MICALL2: variants seen among roughly 807,000 people sequenced by gnomAD.
MICALL2 encodes the protein MICAL-like protein 2.
MICALL2 carries 111 observed loss-of-function variants against 91.1 expected under a neutral mutation model. The observed-to-expected ratio is 1.22, with a 90% CI of 1.04 to 1.43. The LOEUF is 1.43. MICALL2 is among the 40% of genes most tolerant of loss of function. MICALL2 has a pLI of 0.00. For missense variants in MICALL2, 1,556 were observed against 1,236.0 expected (o/e 1.26, Z -3.88); for synonymous variants, 694 against 525.3 (o/e 1.32, Z -4.39).
rs752505721 is a variant in MICALL2, at chr7:1,440,636, C to T, written c.1760G>A (p.Trp587Ter). ...GTCCACGGGCTTCAGATTCGCTCTC[C>T]ATCCTGCCGGCCCGTCCTCCTGGCC... ...QEGQEDGPAG[W>*]RANLKPVDRR... Residue 587 changes from tryptophan (W) to a stop codon, truncating the protein, a stop_gained, in exon 8 of 17, where the codon TGG (tryptophan) becomes TAG (stop). Transcript: ENST00000297508. LOFTEE classifies it high-confidence loss of function. 6.2e-7 allele frequency: 1 copy of T among 1,612,780 alleles called. No homozygotes were observed. The highest frequency in any genetic ancestry group is 1.1e-5 in the South Asian group (1 of 91,068).
intron 7 of MICALL2, chr7:1,441,026 T>C (rs1317853900): frequency 6.1e-6 from 2 of 327,448 alleles, no homozygotes; most frequent in Non-Finnish European, 1.2e-5. Context: ...CGGCTGCCCG[T>C]CTGCAGGCTT....
At chr7:1,442,142 C>T in intron 7 of MICALL2, 50 bp downstream of exon 7, 1 of 1,595,726 alleles carries the variant, frequency 6.3e-7, no homozygotes, top group South Asian at 1.1e-5. Context: ...AGGGGAGAGT[C>T]CCAGAGCTGC....
intron 7 of MICALL2, chr7:1,441,955 A>G: frequency 1.7e-6 from 1 of 575,048 alleles, no homozygotes; most frequent in East Asian, 3.0e-5. Flanking sequence ...GGACGTGCGG[A>G]TGGGGTGGGC....
Position 1,440,036 on chromosome 7 carries a change from C to T in MICALL2, c.1855G>A (p.Glu619Lys). 1.3e-6 allele frequency: 2 copies of T among 1,580,666 alleles called. No homozygotes were observed. Among genetic ancestry groups the T allele is most frequent in the Non-Finnish European group, 1.7e-6 (2 of 1,169,444 alleles). Residue 619 changes from glutamate (E) to lysine (K), a missense_variant, in exon 9 of 17, where the codon GAG (glutamate) becomes AAG (lysine). Glu to Lys is a moderately conservative substitution (Grantham distance 56, BLOSUM62 1). Coordinates refer to ENST00000297508, the MANE Select transcript of MICALL2 (RefSeq NM_182924.4). Reference sequence around the variant, plus strand: ...CTGCCTGAGACCTTCCTGGGGGCCTCCCCCGCCCTCGGCTCTGCCAGGGCC... The same window carrying T: ...CTGCCTGAGACCTTCCTGGGGGCCTTCCCCGCCCTCGGCTCTGCCAGGGCC... ...PRALAEPRAG[E>K]APRKVSGSFA...
At position 1,442,390 on chromosome 7, in the gene MICALL2, G is replaced by T. The variant is rs773782671; in HGVS notation, c.1513C>A (p.Pro505Thr). 6.2e-7 allele frequency: 1 copy of T among 1,608,456 alleles called. No homozygotes were observed. The highest frequency in any genetic ancestry group is 1.1e-5 in the South Asian group (1 of 90,382). The change falls in exon 7 of 17, where the codon CCC becomes ACC. Residue 505 changes from proline (P) to threonine (T), a missense_variant. Physicochemically the swap from Pro to Thr is conservative, Grantham distance 38 (BLOSUM62 -1). Transcript: ENST00000297508. ...CTCGAAGGGAGGCCAAGCACCCGGG[G>T]AGACGAGGACTGTAACGGCTTGGCT... ...PLAKPLQSSS[P>T]RVLGLPSRME...
Position 1,444,882 on chromosome 7 carries a change from T to C in MICALL2, c.1188A>G (p.Thr396=). The C allele has an allele frequency of 6.3e-7, 1 of 1,588,796 alleles. No individual in the cohort carries two copies. Among genetic ancestry groups the C allele is most frequent in the East Asian group, 2.3e-5 (1 of 44,324 alleles). Residue 396 remains threonine, a synonymous_variant, in exon 6 of 17, where the codon ACA becomes ACG. Transcript: ENST00000297508. ...CTGGGGGGTCCACCGTGGCTGCAGA[T>C]GTGGAGCTTGAACTGAGTGTGGTTT... The part of the protein sequence containing the change: ...APQTTLSSSS[T]SAATVDPPAW...
chr7:1,434,877 A>C, intron 16 of MICALL2: 1 of 711,328 alleles, frequency 1.4e-6, no homozygotes, highest in African/African-American at 1.8e-5. Flanking sequence ...CACCATGACC[A>C]CACGGTCACC....
chr7:1,445,068 C>G lies in MICALL2; in HGVS notation c.1002G>C (p.Gly334=), dbSNP rs1241110080. The G allele has an allele frequency of 4.5e-6, 7 of 1,549,274 alleles. No individual in the cohort carries two copies. In the South Asian group the frequency reaches 8.3e-5, roughly 18 times the overall value. ...ESRLAPTPTE[G]KVRPRVTNSS... ...TATTGGTCACACGAGGGCGGACTTT[C>G]CCCTCCGTGGGAGTGGGGGCCAGGC... is the stretch of plus-strand genomic sequence containing the variant. The change falls in exon 6 of 17, where the codon GGG becomes GGC. Residue 334 remains glycine (G), a synonymous_variant. Transcript: ENST00000297508.
At chr7:1,439,450 G>C in intron 9 of MICALL2, 1 of 201,996 alleles carries the variant, frequency 5.0e-6, no homozygotes, top group Non-Finnish European at 9.9e-6. Context: ...GGACACACAT[G>C]CATCGCACAT....
At chr7:1,445,896 G>A (rs537272437) in intron 5 of MICALL2, among the ~76,000 whole-genome samples, 3 of 151,956 alleles carry the variant, frequency 2.0e-5, no homozygotes, top group South Asian at 4.2e-4. Context: ...GCCCCCACCC[G>A]GGGTGCAGGG....
At chr7:1,456,909 C>T (rs1179470203) in intron 1 of MICALL2, among the ~76,000 whole-genome samples, 1 of 152,224 alleles carries the variant, frequency 6.6e-6, no homozygotes, top group Non-Finnish European at 1.5e-5. Flanking sequence ...CCCATGGAAG[C>T]CTGTACTAGC....
At chr7:1,437,770 T>A in intron 13 of MICALL2, 120 bp downstream of exon 13, 1 of 1,245,764 alleles carries the variant, frequency 8.0e-7, no homozygotes, top group Non-Finnish European at 1.1e-6. Context: ...AACGAGGTCC[T>A]GGACCTGCCG....
Position 1,438,113 on chromosome 7 carries a change from C to T in MICALL2, c.2295G>A (p.Leu765=), listed in dbSNP as rs753561846. 6.4e-6 allele frequency: 10 copies of T among 1,564,274 alleles called. No individual in the cohort carries two copies. The highest frequency in any genetic ancestry group is 8.7e-6 in the Non-Finnish European group (10 of 1,155,362). ...GGCGCTCACCTCCCTCGGCCGCCCG[C>T]AGTCGCTTCTCCAGCTCCACGCCGC... ...ELRGVELEKR[L]RAAEGDDAED... Residue 765 remains leucine (L), a synonymous_variant, in exon 12 of 17, where the codon CTG becomes CTA. Transcript: ENST00000297508.
chr7:1,457,714 A>T (rs1309786650), intron 1 of MICALL2, among the ~76,000 whole-genome samples: 2 of 152,150 alleles, frequency 1.3e-5, no homozygotes, highest in Non-Finnish European at 2.9e-5. Context: ...GAGGGCCCCA[A>T]ATCTCCGGCG....
chr7:1,440,093 G>A lies in MICALL2; in HGVS notation c.1806-8C>T. 6.3e-7 allele frequency: 1 copy of A among 1,586,034 alleles called. No individual in the cohort carries two copies. The highest frequency in any genetic ancestry group is 1.2e-5 in the South Asian group (1 of 86,270). On this transcript the variant is annotated splice_region_variant and splice_polypyrimidine_tract_variant and intron_variant, in intron 8 of 16. Coordinates refer to ENST00000297508, the MANE Select transcript of MICALL2 (RefSeq NM_182924.4). ...TCCTTGGGCTTCAGAGTCCTGGGCA[G>A]AAGGCATGAGGTCGGAACCCGAACC...
rs556808514 is a variant in MICALL2, at chr7:1,445,219, G to C, written c.851C>G (p.Pro284Arg). 8 of 1,608,504 alleles carry C rather than the reference G, an allele frequency of 5.0e-6. No homozygotes were observed. The East Asian group carries it at 1.3e-4, about 27-fold the overall frequency. Residue 284 changes from proline (P) to arginine (R), a missense_variant, in exon 6 of 17, where the codon CCG becomes CGG. By Grantham distance (103) the Pro-to-Arg change is moderately radical. Coordinates refer to ENST00000297508, the MANE Select transcript of MICALL2 (RefSeq NM_182924.4). The part of the protein sequence containing the change: ...QKAQEANKAR[P>R]SAWEPAAGNS... ...GCCCGCAGCAGGCTCCCAGGCCGACGGTCTGGCCTTGTTTGCCTCCTGGGC... is the reference window on the plus strand; with the variant it reads ...GCCCGCAGCAGGCTCCCAGGCCGACCGTCTGGCCTTGTTTGCCTCCTGGGC...
chr7:1,437,136 CA>C (rs1780008683), intron 14 of MICALL2: 1 of 481,240 alleles, frequency 2.1e-6, no homozygotes, highest in Admixed American at 4.1e-5. Flanking sequence ...CCCTGCAGCA[CA>C]GCAAGGAAAG....
chr7:1,450,456 G>A, intron 1 of MICALL2, 168 bp from the exon 2 acceptor site: 2 of 633,352 alleles, frequency 3.2e-6, no homozygotes, highest in Non-Finnish European at 5.8e-6. Flanking sequence ...AGGGCTCCCG[G>A]CCCTGCTCCG....
rs762153392 is a variant in MICALL2 at position 1,452,065 on chromosome 7, T to C, written c.144-1777A>G. ...CGTCCGCCTGCAGCCCTGCCGTCCA[T>C]CAATCTGCTGGGATCCTTGGGAACC... On this transcript the variant is annotated intron_variant, in intron 1 of 16. Transcript: ENST00000297508. This position sits in a 1 kb window ranked among gnomAD's most constrained non-coding sequence, Gnocchi z 6.2. 1.1e-4 allele frequency among the ~76,000 whole-genome samples: 17 copies of C among 152,250 alleles called. No individual in the cohort carries two copies. The highest frequency in any genetic ancestry group is 2.2e-4 in the Non-Finnish European group (15 of 67,998).
Sources: gnomAD v4.1 joint callset for allele counts (sites outside exome capture counted in the v4.1 genomes callset) on GRCh38, gnomAD v4.1.1 for gene constraint, Gnocchi (gnomAD v3.1) non-coding constraint, MANE v1.5 for transcripts, NCBI Gene and HGNC (gene_info 2026-07-23, HGNC 2026-07-21) for gene names.